TF: variants seen among roughly 807,000 people sequenced by gnomAD.
TF encodes the protein serotransferrin.
TF carries 55 observed loss-of-function variants against 82.4 expected under a neutral mutation model. The observed-to-expected ratio is 0.67, with a 90% confidence interval of 0.54 to 0.84. The LOEUF (loss-of-function observed/expected upper bound fraction) is 0.84, where lower values mean the gene tolerates loss of function less well. TF is among the 40% of genes least tolerant of loss of function. The pLI is 0.00. For missense variants in TF, 737 were observed against 868.4 expected (o/e 0.85, Z 1.90); for synonymous variants, 332 against 332.6 (o/e 1.00, Z 0.02).
the TF span, among the ~76,000 whole-genome samples, chr3:133,696,699 A>G: frequency 6.6e-6 from 1 of 152,230 alleles, no homozygotes; most frequent in Non-Finnish European, 1.5e-5. Flanking sequence ...CAAAACATAC[A>G]AATTATTGTA....
the TF span, among the ~76,000 whole-genome samples, chr3:133,690,825 G>A: frequency 0.31 from 46,866 of 151,948 alleles, 7,643 homozygotes; most frequent in East Asian, 0.48. Context: ...CCCACGGGAC[G>A]GACTGAAACC....
rs1355504947 is a variant in TF at position 133,784,282 on chromosome 3, A to T, written c.*5662A>T. 1 of 151,822 alleles carries T rather than the reference A, an allele frequency of 6.6e-6. No homozygotes were observed. Among genetic ancestry groups the T allele is most frequent in the African/African-American group, 2.4e-5 (1 of 41,302 alleles). The allele number at this position is 151,822 out of a possible 1,614,324, so 9.4% of individuals were successfully genotyped here. On this transcript the variant is annotated 3_prime_UTR_variant, in exon 17 of 17. Transcript: ENST00000402696. ...ATTAGGCCCATCGGAAAGGCCCACC[A>T]CCCTTTAGGAAGATTACTGGCTGTT...
At chr3:133,728,062 A>C in the TF span, among the ~76,000 whole-genome samples, 1 of 152,176 alleles carries the variant, frequency 6.6e-6, no homozygotes. Context: ...GGGTAACCCA[A>C]CCTTTCTCCC....
chr3:133,783,504 A>G lies in TF; in HGVS notation c.*4884A>G, dbSNP rs1160771385. 10 of 152,250 alleles carry G rather than the reference A, an allele frequency of 6.6e-5. No individual in the cohort carries two copies. Among genetic ancestry groups the G allele is most frequent in the Admixed American group, 6.5e-4 (10 of 15,284 alleles). The allele number at this position is 152,250 out of a possible 1,614,324, so 9.4% of individuals were successfully genotyped here. The stretch of plus-strand genomic sequence containing the variant: ...AATTAAAATCGTAAAAACAATTACT[A>G]TGTTAACATATTTCTTATATAGTAC... On this transcript the variant is annotated 3_prime_UTR_variant, in exon 17 of 17. Coordinates refer to ENST00000402696, the MANE Select transcript of TF (RefSeq NM_001063.4).
chr3:133,783,103 T>C lies in TF; in HGVS notation c.*4483T>C, dbSNP rs1342107501. The C allele has an allele frequency of 2.0e-5, 3 of 152,224 alleles. No homozygotes were observed. Among genetic ancestry groups the C allele is most frequent in the South Asian group, 4.1e-4 (2 of 4,826 alleles). 9.4% of individuals were successfully genotyped at this position (152,224 alleles called of 1,614,324 possible). On this transcript the variant is annotated 3_prime_UTR_variant, in exon 17 of 17. Transcript: ENST00000402696. ...AACATAAGGACCACAGTATAGGTAA[T>C]AAATTCTACTTTATTTGGGATTCCT... is the stretch of plus-strand genomic sequence containing the variant.
At chr3:133,696,352 T>C in the TF span, among the ~76,000 whole-genome samples, 1 of 147,748 alleles carries the variant, frequency 6.8e-6, no homozygotes, top group Non-Finnish European at 1.5e-5. Flanking sequence ...TTACTGTGCC[T>C]AATTTATAAA....
chr3:133,705,443 C>T, the TF span, among the ~76,000 whole-genome samples: 1 of 152,170 alleles, frequency 6.6e-6, no homozygotes. Context: ...TGACTTATTA[C>T]ACAGCTAATG....
At chr3:133,775,365 A>C in intron 14 of TF, 68 bp from the exon 15 acceptor site, 1 of 1,532,096 alleles carries the variant, frequency 6.5e-7, no homozygotes, top group South Asian at 1.1e-5. Flanking sequence ...CCACTGAGTC[A>C]GTTCCATCTC....
chr3:133,662,733 ATTC>A, the TF span, among the ~76,000 whole-genome samples: 4 of 152,152 alleles, frequency 2.6e-5, no homozygotes, highest in African/African-American at 7.2e-5. Flanking sequence ...TTTTCATTTT[ATTC>A]TTTTTTAAAA....
chr3:133,675,983 G>A, the TF span, among the ~76,000 whole-genome samples: 2 of 152,284 alleles, frequency 1.3e-5, no homozygotes, highest in East Asian at 3.9e-4. Context: ...GGAGAGAAGG[G>A]ATTTTTTCCC....
At chr3:133,666,327 C>T in the TF span, among the ~76,000 whole-genome samples, 1 of 152,042 alleles carries the variant, frequency 6.6e-6, no homozygotes, top group Admixed American at 6.6e-5. Flanking sequence ...CATGTGCCAC[C>T]ATGCCTGGCT....
chr3:133,693,570 T>C, the TF span, among the ~76,000 whole-genome samples: 2 of 152,214 alleles, frequency 1.3e-5, no homozygotes, highest in Non-Finnish European at 2.9e-5. Context: ...GCTCTGGCCA[T>C]GCTTTGCCCT....
At chr3:133,662,214 T>A in the TF span, 1 of 152,222 alleles carries the variant, frequency 6.6e-6, no homozygotes, top group Admixed American at 6.5e-5. Context: ...AAGAAAGGAT[T>A]TCCTCAATAG....
the TF span, among the ~76,000 whole-genome samples, chr3:133,698,236 T>TTTCATTGCTTCA: frequency 1.3e-5 from 2 of 152,248 alleles, no homozygotes; most frequent in Non-Finnish European, 2.9e-5. Flanking sequence ...TCATTGCTTC[T>TTTCATTGCTTCA]TTCATTGCTT....
chr3:133,719,657 T>C, the TF span, among the ~76,000 whole-genome samples: 1 of 152,154 alleles, frequency 6.6e-6, no homozygotes, highest in Non-Finnish European at 1.5e-5. Flanking sequence ...AAGAATGCTG[T>C]TGTTATTTGA....
Position 133,759,169 on chromosome 3 carries a change from C to G in TF, c.1049-6C>G, listed in dbSNP as rs1360287010. 2 of 1,613,702 alleles carry G rather than the reference C, an allele frequency of 1.2e-6. No homozygotes were observed. The highest frequency in any genetic ancestry group is 1.3e-5 in the African/African-American group (1 of 74,874). ...TTCTGATCTTTGTTCTTTTTTTATG[C>G]CATAGGCCCAGAAGCCCCAACAGAT... On this transcript the variant is annotated splice_polypyrimidine_tract_variant and splice_region_variant and intron_variant, in intron 8 of 16. Coordinates refer to ENST00000402696, the MANE Select transcript of TF (RefSeq NM_001063.4).
rs201449317 is a variant in TF at position 133,784,480 on chromosome 3, T to G, written c.*5860T>G. 1 of 127,132 alleles carries G rather than the reference T, an allele frequency of 7.9e-6. No homozygotes were observed. The allele number at this position is 127,132 out of a possible 1,614,324, so 7.9% of individuals were successfully genotyped here. On this transcript the variant is annotated 3_prime_UTR_variant, in exon 17 of 17. Coordinates refer to ENST00000402696, the MANE Select transcript of TF (RefSeq NM_001063.4). ...TTCCCATTTGTTAAAAAAATAATAA[T>G]AATAATAATAATAATAATAATAATA...
rs1346142345 is a variant in TF at position 133,790,521 on chromosome 3, A to G, written c.*11901A>G. ...AGTAAGTAGAGGAGAACGATATGGAAAAAGTTTAGATAATAAAATATTCTT... is the reference window on the plus strand; with the variant it reads ...AGTAAGTAGAGGAGAACGATATGGAGAAAGTTTAGATAATAAAATATTCTT... On this transcript the variant is annotated 3_prime_UTR_variant, in exon 17 of 17. Transcript: ENST00000402696. 1 of 152,272 alleles carries G rather than the reference A, an allele frequency of 6.6e-6. No individual in the cohort carries two copies. The highest frequency in any genetic ancestry group is 1.5e-5 in the Non-Finnish European group (1 of 68,050). The allele number at this position is 152,272 out of a possible 1,614,324, so 9.4% of individuals were successfully genotyped here. A position where few individuals can be genotyped will look rare whatever the true frequency, so the allele number is the denominator to read the frequency against.
At chr3:133,710,799 C>T in the TF span, among the ~76,000 whole-genome samples, 3,403 of 152,280 alleles carry the variant, frequency 0.022, 43 homozygotes, top group African/African-American at 0.035. Context: ...TTGGCCCCCC[C>T]ACAACATTCT....
Sources: gnomAD v4.1 joint callset for allele counts (sites outside exome capture counted in the v4.1 genomes callset) on GRCh38, gnomAD v4.1.1 for gene constraint, MANE v1.5 for transcripts, NCBI Gene and HGNC (gene_info 2026-07-23, HGNC 2026-07-21) for gene names.